Variants in METTL15 observed in about 807,000 individuals in gnomAD.
METTL15 encodes the protein 12S rRNA N(4)-cytidine methyltransferase METTL15.
In METTL15, 34 loss-of-function variants were observed where a neutral mutation model predicts 38.3. That is an observed-to-expected ratio of 0.89 (90% CI 0.68 to 1.18). The LOEUF is 1.18. METTL15 is among the 50% of genes most tolerant of loss of function. METTL15 has a pLI of 0.00. For missense variants in METTL15, 438 were observed against 498.4 expected (o/e 0.88, Z 1.15); for synonymous variants, 162 against 170.9 (o/e 0.95, Z 0.41).
chr11:28,167,735 A>G (rs1010321860), intron 3 of METTL15, among the ~76,000 whole-genome samples: 1 of 151,792 alleles, frequency 6.6e-6, no homozygotes, highest in African/African-American at 2.4e-5. Context: ...TAGTATCAAT[A>G]TACTAGATAC....
At chr11:28,131,501 A>ATTTTTTTTTTTTTT in intron 3 of METTL15, among the ~76,000 whole-genome samples, 1 of 117,558 alleles carries the variant, frequency 8.5e-6, no homozygotes, top group Non-Finnish European at 1.7e-5. Context: ...ACTTCCAAGC[A>ATTTTTTTTTTTTTT]TTTTTTTTTT....
At chr11:28,464,475 T>C (rs1219932452) in intron 6 of METTL15, among the ~76,000 whole-genome samples, 2 of 152,102 alleles carry the variant, frequency 1.3e-5, no homozygotes, top group African/African-American at 4.8e-5. Context: ...TTTAGAAAAA[T>C]GTATGGCAGG....
chr11:28,369,977 C>T (rs765222849), intron 5 of METTL15, among the ~76,000 whole-genome samples: 1 of 152,076 alleles, frequency 6.6e-6, no homozygotes, highest in Non-Finnish European at 1.5e-5. Flanking sequence ...GTTGGAGGTA[C>T]ATGTAACGAT....
intron 3 of METTL15, among the ~76,000 whole-genome samples, chr11:28,177,744 C>A (rs1851130124): frequency 6.6e-6 from 1 of 151,842 alleles, no homozygotes. Flanking sequence ...GCGTTGGAGT[C>A]TATTGGAAAT....
Position 28,330,514 on chromosome 11 carries a change from C to G in METTL15, c.897C>G (p.Leu299=), listed in dbSNP as rs779961168. The G allele has an allele frequency of 1.9e-6, 3 of 1,551,514 alleles. No individual in the cohort carries two copies. Among genetic ancestry groups the G allele is most frequent in the South Asian group, 2.4e-5 (2 of 84,058 alleles). Residue 299 remains leucine, a synonymous_variant, in exon 7 of 7, where the codon CTC becomes CTG. Coordinates refer to ENST00000407364, the MANE Select transcript of METTL15 (RefSeq NM_001113528.2). ...TTGTGAACAATGAGCTCAATGAACT[C>G]TACACGGGACTGAAGACAGCTCAGA... ...RIFVNNELNE[L]YTGLKTAQKF...
At chr11:28,186,931 CAT>C (rs1851517001) in intron 3 of METTL15, among the ~76,000 whole-genome samples, 1 of 151,018 alleles carries the variant, frequency 6.6e-6, no homozygotes, top group African/African-American at 2.4e-5. Context: ...CTGTCAAACA[CAT>C]ACCTTCATTT....
intron 4 of METTL15, among the ~76,000 whole-genome samples, chr11:28,239,584 A>T (rs1012245770): frequency 6.6e-6 from 1 of 152,076 alleles, no homozygotes; most frequent in South Asian, 2.1e-4. Flanking sequence ...CTTAAAAGCA[A>T]ATTAGATCAT....
At chr11:28,241,527 C>T (rs2133905452) in intron 4 of METTL15, among the ~76,000 whole-genome samples, 1 of 149,954 alleles carries the variant, frequency 6.7e-6, no homozygotes, top group Admixed American at 6.6e-5. Context: ...GAGGGAGACC[C>T]CGTCTCAAAA....
chr11:28,212,983 C>T (rs934110098), intron 4 of METTL15, among the ~76,000 whole-genome samples: 1 of 152,022 alleles, frequency 6.6e-6, no homozygotes, highest in African/African-American at 2.4e-5. Context: ...CAGGAACTAT[C>T]AGGCTGTATA....
At chr11:28,241,624 A>G (rs1289034539) in intron 4 of METTL15, among the ~76,000 whole-genome samples, 1 of 152,134 alleles carries the variant, frequency 6.6e-6, no homozygotes, top group African/African-American at 2.4e-5. Context: ...ACAGTTTTCC[A>G]AAGGATAAAT....
intron 5 of METTL15, among the ~76,000 whole-genome samples, chr11:28,412,160 T>C (rs896656823): frequency 2.0e-5 from 3 of 151,980 alleles, no homozygotes; most frequent in Admixed American, 6.6e-5. Context: ...TAGATTGGTA[T>C]AGCCATTATG....
intron 3 of METTL15, among the ~76,000 whole-genome samples, chr11:28,209,753 A>G (rs1390890195): frequency 2.6e-5 from 4 of 152,024 alleles, no homozygotes; most frequent in African/African-American, 4.8e-5. Flanking sequence ...GCATAATTGC[A>G]TGCCCAATTT....
chr11:28,163,101 A>G (rs1233899813), intron 3 of METTL15, among the ~76,000 whole-genome samples: 4 of 151,998 alleles, frequency 2.6e-5, no homozygotes, highest in African/African-American at 7.2e-5. Context: ...GCAATGATTA[A>G]ATTAGTTCTA....
chr11:28,226,632 G>A (rs920833886), intron 4 of METTL15, among the ~76,000 whole-genome samples: 4 of 151,782 alleles, frequency 2.6e-5, no homozygotes, highest in African/African-American at 7.3e-5. Flanking sequence ...AACTCATAGC[G>A]TCAGGTTTGC....
intron 3 of METTL15, among the ~76,000 whole-genome samples, chr11:28,128,853 A>G (rs1324752704): frequency 6.6e-6 from 1 of 152,230 alleles, no homozygotes; most frequent in Non-Finnish European, 1.5e-5. Context: ...AGTCTAATCT[A>G]AAGTGGTACT....
At chr11:28,164,468 A>G (rs902539568) in intron 3 of METTL15, among the ~76,000 whole-genome samples, 1 of 152,056 alleles carries the variant, frequency 6.6e-6, no homozygotes, top group Non-Finnish European at 1.5e-5. Context: ...TTTTTCCCCC[A>G]TATTTAGCCA....
chr11:28,410,659 A>T (rs765189883), intron 5 of METTL15: 55 of 152,170 alleles, frequency 3.6e-4, no homozygotes, highest in Non-Finnish European at 6.9e-4. Context: ...ACTAACAGTT[A>T]ACATGATAAT....
At chr11:28,130,692 T>C (rs901150320) in intron 3 of METTL15, among the ~76,000 whole-genome samples, 1 of 152,176 alleles carries the variant, frequency 6.6e-6, no homozygotes, top group African/African-American at 2.4e-5. Context: ...AGATGTTGCA[T>C]TCATGGTTAT....
intron 3 of METTL15, among the ~76,000 whole-genome samples, chr11:28,201,023 T>C (rs1852092291): frequency 6.6e-6 from 1 of 152,270 alleles, no homozygotes; most frequent in Middle Eastern, 3.4e-3. Flanking sequence ...CTTTTGCCCA[T>C]TCAATATGAT....
Sources: gnomAD v4.1 joint callset for allele counts (sites outside exome capture counted in the v4.1 genomes callset) on GRCh38, gnomAD v4.1.1 for gene constraint, MANE v1.5 for transcripts, NCBI Gene and HGNC (gene_info 2026-07-23, HGNC 2026-07-21) for gene names.